CSMD1: variants seen among roughly 807,000 people sequenced by gnomAD.
CSMD1 encodes CUB and Sushi multiple domains 1.
A neutral mutation model predicts 417.5 loss-of-function variants in CSMD1; 213 were observed. That is an observed-to-expected ratio of 0.51 (90% confidence interval 0.46 to 0.57). The LOEUF (loss-of-function observed/expected upper bound fraction) is 0.57, where lower values mean the gene tolerates loss of function less well. Among genes scored for constraint, CSMD1 ranks in the 20% least tolerant of loss-of-function variants. CSMD1 has a pLI of 0.00. For missense variants in CSMD1, 6,923 were observed against 4,529.7 expected, an observed-to-expected ratio of 1.53 and a Z score of -15.17; for synonymous variants, 2,862 against 1,736.8, an observed-to-expected ratio of 1.65 and a Z score of -16.11.
At chr8:3,539,448 G>T (rs897047110) in intron 10 of CSMD1, among the ~76,000 whole-genome samples, 1 of 152,150 alleles carries the variant, frequency 6.6e-6, no homozygotes, top group African/African-American at 2.4e-5. Context: ...TGACAGTTGG[G>T]TTTATGTGTG....
At chr8:4,978,148 G>A (rs528082010) in intron 1 of CSMD1, among the ~76,000 whole-genome samples, 5 of 152,296 alleles carry the variant, frequency 3.3e-5, no homozygotes, top group South Asian at 4.1e-4. Context: ...GGCCCTGGAA[G>A]AAACATCTAA....
chr8:3,245,493 C>G (rs1799819388), intron 26 of CSMD1, among the ~76,000 whole-genome samples: 1 of 152,186 alleles, frequency 6.6e-6, no homozygotes, highest in South Asian at 2.1e-4. Context: ...TTTACAAAAG[C>G]TAAATAAGCC....
rs181047284 is a variant in CSMD1, at chr8:4,158,704, A to G, written c.416-126605T>C. On this transcript the variant is annotated intron_variant, in intron 3 of 69. Coordinates refer to ENST00000635120, the MANE Select transcript of CSMD1 (RefSeq NM_033225.6). ...ATGGGCCAGCAGCTATTCCTAAACC[A>G]CCCCATTCAGTCCTTATCACAACCC... 1.2e-3 allele frequency among the ~76,000 whole-genome samples: 179 copies of G among 151,750 alleles called. 3 individuals are homozygous for G. The East Asian group carries it at 0.026, about 22-fold the overall frequency.
chr8:3,159,991 T>G (rs536113106), intron 38 of CSMD1, among the ~76,000 whole-genome samples: 1 of 152,130 alleles, frequency 6.6e-6, no homozygotes, highest in African/African-American at 2.4e-5. Context: ...TGAGGGAGAA[T>G]GGAGGAAACA....
intron 2 of CSMD1, among the ~76,000 whole-genome samples, chr8:4,629,419 T>G (rs928531030): frequency 6.6e-6 from 1 of 152,204 alleles, no homozygotes; most frequent in Admixed American, 6.5e-5. Context: ...ACAAATGTAT[T>G]GTATTTGGAC....
chr8:3,294,493 T>A (rs1322797382), intron 25 of CSMD1, among the ~76,000 whole-genome samples: 2 of 152,136 alleles, frequency 1.3e-5, no homozygotes, highest in Non-Finnish European at 2.9e-5. Flanking sequence ...TCTGGGCCGT[T>A]TTTTTAGTCA....
In CSMD1 at chr8:3,000,081, C is replaced by T; in HGVS notation, c.8080G>A (p.Asp2694Asn). 6.2e-7 allele frequency: 1 copy of T among 1,601,196 alleles called. No homozygotes were observed. The highest frequency in any genetic ancestry group is 8.5e-7 in the Non-Finnish European group (1 of 1,176,950). ...DPIVNGHISG[D>N]GFSYRDTVVY... ...ACCGTGTCTCTGTAACTGAAGCCAT[C>T]TCCACTAATGTGACCGTTCACAATC... The change falls in exon 53 of 70, where the codon GAT becomes AAT. Residue 2694 changes from aspartate (D) to asparagine (N), a missense_variant. Asp to Asn is a conservative substitution (Grantham distance 23, BLOSUM62 1). Transcript: ENST00000635120.
At chr8:3,876,156 A>G (rs547218805) in intron 5 of CSMD1, among the ~76,000 whole-genome samples, 1 of 152,334 alleles carries the variant, frequency 6.6e-6, no homozygotes, top group East Asian at 1.9e-4. Context: ...GAAACCAGTG[A>G]CAGTCATGTT....
chr8:3,851,484 A>C (rs1803900841), intron 5 of CSMD1, among the ~76,000 whole-genome samples: 1 of 152,188 alleles, frequency 6.6e-6, no homozygotes, highest in Admixed American at 6.5e-5. Context: ...ACAAAAAGAA[A>C]GACCTAGTGT....
intron 2 of CSMD1, among the ~76,000 whole-genome samples, chr8:4,597,887 T>G (rs1408530731): frequency 6.6e-6 from 1 of 152,128 alleles, no homozygotes; most frequent in African/African-American, 2.4e-5. Context: ...ATTAATTAGG[T>G]AAGATTTGGA....
Position 4,773,346 on chromosome 8 carries a change from G to A in CSMD1, c.86-135788C>T, listed in dbSNP as rs547015023. Among the ~76,000 whole-genome samples the A allele has an allele frequency of 2.6e-5, 4 of 152,226 alleles. No individual in the cohort carries two copies. The South Asian group carries it at 8.3e-4, about 32-fold the overall frequency. Reference sequence around the variant, plus strand: ...CTGCCTTCTAAGCTCACTGACTGGTGGCTTTTTGTTTCAGGAAAGCAGAAA... The same window carrying A: ...CTGCCTTCTAAGCTCACTGACTGGTAGCTTTTTGTTTCAGGAAAGCAGAAA... On this transcript the variant is annotated intron_variant, in intron 1 of 69. Transcript: ENST00000635120.
At chr8:3,305,765 C>T (rs1804788307) in intron 25 of CSMD1, among the ~76,000 whole-genome samples, 1 of 152,184 alleles carries the variant, frequency 6.6e-6, no homozygotes, top group Non-Finnish European at 1.5e-5. Context: ...CTGCAGGCTC[C>T]ACCTCCTGGG....
At chr8:3,403,991 C>T (rs544257920) in intron 15 of CSMD1, among the ~76,000 whole-genome samples, 15 of 152,254 alleles carry the variant, frequency 9.9e-5, no homozygotes, top group African/African-American at 3.6e-4. Flanking sequence ...GGTGGTGCTT[C>T]TTGTCCACCC....
Position 3,160,438 on chromosome 8 carries a change from T to G in CSMD1, c.5844+1721A>C, listed in dbSNP as rs547589341. 4.6e-5 allele frequency among the ~76,000 whole-genome samples: 7 copies of G among 152,262 alleles called. 1 individual carries two copies. In the South Asian group the frequency reaches 1.5e-3, roughly 32 times the overall value. ...GCAACCGGCCTAGGATAATTCTTTC[T>G]GACATATCAGGTGGATCAGGAACGT... On this transcript the variant is annotated intron_variant, in intron 38 of 69. Coordinates refer to ENST00000635120, the MANE Select transcript of CSMD1 (RefSeq NM_033225.6).
At chr8:4,452,441 G>A (rs889574128) in intron 2 of CSMD1, among the ~76,000 whole-genome samples, 2 of 152,154 alleles carry the variant, frequency 1.3e-5, no homozygotes, top group African/African-American at 2.4e-5. Flanking sequence ...GACAAATAAG[G>A]CATTAATCCT....
intron 10 of CSMD1, among the ~76,000 whole-genome samples, chr8:3,551,985 A>C (rs1029618777): frequency 1.3e-5 from 2 of 152,200 alleles, no homozygotes; most frequent in Non-Finnish European, 2.9e-5. Flanking sequence ...TAGGGATCTC[A>C]CAGTGGCAGA....
intron 1 of CSMD1, chr8:4,788,016 G>A: frequency 6.3e-7 from 1 of 1,590,078 alleles, no homozygotes; most frequent in Non-Finnish European, 8.6e-7. Context: ...GGATCTCAAA[G>A]AAGTAACTCC....
At chr8:4,021,675 T>C (rs926390975) in intron 4 of CSMD1, among the ~76,000 whole-genome samples, 2 of 152,218 alleles carry the variant, frequency 1.3e-5, no homozygotes, top group Non-Finnish European at 2.9e-5. Flanking sequence ...GGCGCATACC[T>C]GCGAAACTTG....
At chr8:4,198,959 A>G (rs77539575) in intron 3 of CSMD1, among the ~76,000 whole-genome samples, 2 of 77,298 alleles carry the variant, frequency 2.6e-5, no homozygotes, top group South Asian at 8.9e-4. Flanking sequence ...TCTTTTTTTA[A>G]GACAGTACTG....
Sources: gnomAD v4.1 joint callset for allele counts (sites outside exome capture counted in the v4.1 genomes callset) on GRCh38, gnomAD v4.1.1 for gene constraint, MANE v1.5 for transcripts, NCBI Gene and HGNC (gene_info 2026-07-23, HGNC 2026-07-21) for gene names.